PTTG1IP: variants seen among roughly 807,000 people sequenced by gnomAD.
The protein encoded by PTTG1IP is pituitary tumor-transforming gene 1 protein-interacting protein.
Under a neutral mutation model 24.4 loss-of-function variants are expected in PTTG1IP, and 16 were observed. The ratio of observed to expected loss-of-function variants is 0.66; its 90% CI spans 0.44 to 1.00. PTTG1IP has a LOEUF of 1.00. Ranked by LOEUF, PTTG1IP falls within the 50% of genes least tolerant of loss-of-function variation. The pLI is 0.00. For synonymous variants in PTTG1IP, 89 were observed against 96.8 expected (o/e 0.92, Z 0.47); for missense variants, 241 against 245.8 (o/e 0.98, Z 0.13).
chr21:44,860,281 A>T (rs1015601531), intron 3 of PTTG1IP, among the ~76,000 whole-genome samples: 6 of 152,182 alleles, frequency 3.9e-5, no homozygotes, highest in Non-Finnish European at 7.3e-5. Flanking sequence ...AGGCAGGAGA[A>T]TGGCGTGAAC....
chr21:44,866,058 T>C (rs530966282), intron 1 of PTTG1IP, among the ~76,000 whole-genome samples: 2 of 152,066 alleles, frequency 1.3e-5, no homozygotes, highest in African/African-American at 4.8e-5. Flanking sequence ...ACCCTGAGAC[T>C]CTGCCCACTA....
rs147555498 is a variant in PTTG1IP, at chr21:44,868,146, A to G, written c.116-2699T>C. On this transcript the variant is annotated intron_variant, in intron 1 of 5. Coordinates refer to ENST00000330938, the MANE Select transcript of PTTG1IP (RefSeq NM_004339.4). The stretch of plus-strand genomic sequence containing the variant: ...AAATTGACAACCAGTGAAAAGCCTT[A>G]ATTTCTTAAATCACTGCTGAGAGAC... Among the ~76,000 whole-genome samples the G allele has an allele frequency of 2.3e-3, 356 of 152,292 alleles. 1 individual carries two copies. The highest frequency in any genetic ancestry group is 8.1e-3 in the African/African-American group (338 of 41,560).
rs970075215 is a variant in PTTG1IP, at chr21:44,873,455, C to T, written c.115+47G>A. 4.5e-6 allele frequency: 6 copies of T among 1,322,380 alleles called. No homozygotes were observed. In the African/African-American group the frequency reaches 7.8e-5, roughly 17 times the overall value. 81.9% of individuals were successfully genotyped at this position (1,322,380 alleles called of 1,614,324 possible). On this transcript the variant is annotated intron_variant, in intron 1 of 5. Coordinates refer to ENST00000330938, the MANE Select transcript of PTTG1IP (RefSeq NM_004339.4). ...GACCCCGACCCCGACCTGGACCCAC[C>T]AGCCGCCCCGCCCCCTTCGCGGCCC...
At chr21:44,865,898 C>T (rs79280184) in intron 1 of PTTG1IP, 11,202 of 251,248 alleles carry the variant, frequency 0.045, 1,257 homozygotes, top group African/African-American at 0.23. Context: ...ACGCAGCACA[C>T]TTGTGTCTTT....
In PTTG1IP at chr21:44,873,630, C is replaced by T. The variant is rs2083609276; in HGVS notation, c.-14G>A. The T allele has an allele frequency of 5.0e-6, 7 of 1,412,694 alleles. No homozygotes were observed. The highest frequency in any genetic ancestry group is 6.1e-5 in the East Asian group (2 of 32,726). The allele number at this position is 1,412,694 out of a possible 1,614,324, so 87.5% of individuals were successfully genotyped here. A position where few individuals can be genotyped will look rare whatever the true frequency, so the allele number is the denominator to read the frequency against. ...TCCGGGCGCCATGGTCGGCCGGTCG[C>T]TCTATCAGTCAGTGGAGCGTTACAA... is the stretch of plus-strand genomic sequence containing the variant. On this transcript the variant is annotated 5_prime_UTR_variant, in exon 1 of 6. Coordinates refer to ENST00000330938, the MANE Select transcript of PTTG1IP (RefSeq NM_004339.4).
At chr21:44,859,853 G>A (rs1480012804) in intron 3 of PTTG1IP, among the ~76,000 whole-genome samples, 1 of 152,174 alleles carries the variant, frequency 6.6e-6, no homozygotes, top group Admixed American at 6.5e-5. Flanking sequence ...ATTTTGAAAT[G>A]GAAATCAATT....
intron 1 of PTTG1IP, among the ~76,000 whole-genome samples, chr21:44,869,550 C>T (rs577067218): frequency 1.3e-5 from 2 of 152,352 alleles, no homozygotes; most frequent in Non-Finnish European, 2.9e-5. Flanking sequence ...CCTCCCACCT[C>T]GGCCTCCAAA....
At chr21:44,862,761 A>G (rs1269232726) in intron 2 of PTTG1IP, among the ~76,000 whole-genome samples, 3 of 152,164 alleles carry the variant, frequency 2.0e-5, no homozygotes, top group African/African-American at 7.2e-5. Flanking sequence ...TGACCACCTT[A>G]GTGTCGTGTT....
At chr21:44,852,269 G>T (rs766196520) in intron 5 of PTTG1IP, among the ~76,000 whole-genome samples, 2 of 151,680 alleles carry the variant, frequency 1.3e-5, no homozygotes, top group African/African-American at 2.4e-5. Context: ...TGCAATCTCC[G>T]CCTCCTGGGT....
At position 44,865,407 on chromosome 21, in the gene PTTG1IP, C is replaced by T. The variant is rs759426433; in HGVS notation, c.156G>A (p.Leu52=). The T allele has an allele frequency of 1.2e-6, 2 of 1,614,106 alleles. No individual in the cohort carries two copies. The highest frequency in any genetic ancestry group is 1.3e-5 in the African/African-American group (1 of 74,926). The change falls in exon 2 of 6, where the codon CTG becomes CTA. Residue 52 remains leucine (L), a synonymous_variant. Coordinates refer to ENST00000330938, the MANE Select transcript of PTTG1IP (RefSeq NM_004339.4). ...ACGTGCTACTTACGGAGACGTTCTT[C>T]AGGCACTCTTCACAGGTTTTGTTTG... ...QNTNKTCEEC[L]KNVSCLWCNT...
intron 1 of PTTG1IP, among the ~76,000 whole-genome samples, chr21:44,870,581 G>C (rs1376092955): frequency 7.6e-6 from 1 of 131,866 alleles, no homozygotes; most frequent in Non-Finnish European, 1.6e-5. Flanking sequence ...CTGCTTCAAA[G>C]ACAAGCAGTG....
At chr21:44,869,927 T>C (rs1052410227) in intron 1 of PTTG1IP, among the ~76,000 whole-genome samples, 2 of 152,200 alleles carry the variant, frequency 1.3e-5, no homozygotes, top group African/African-American at 4.8e-5. Context: ...TTCTGATAAC[T>C]AGGTCTTGTG....
chr21:44,852,053 T>C (rs560508641), intron 5 of PTTG1IP, among the ~76,000 whole-genome samples: 2 of 152,296 alleles, frequency 1.3e-5, no homozygotes. Flanking sequence ...AACTCTCGAG[T>C]ACTCTGACAA....
At position 44,873,662 on chromosome 21, in the gene PTTG1IP, C is replaced by G; in HGVS notation, c.-46G>C. 2 of 1,324,348 alleles carry G rather than the reference C, an allele frequency of 1.5e-6. No individual in the cohort carries two copies. Among genetic ancestry groups the G allele is most frequent in the Non-Finnish European group, 1.9e-6 (2 of 1,033,086 alleles). 82.0% of individuals were successfully genotyped at this position (1,324,348 alleles called of 1,614,324 possible). On this transcript the variant is annotated 5_prime_UTR_variant, in exon 1 of 6. Coordinates refer to ENST00000330938, the MANE Select transcript of PTTG1IP (RefSeq NM_004339.4). ...AGTCAGTGGAGCGTTACAACTCCGACTCCAGCACAAGCGGTCTCCGCCCGG... is the reference window on the plus strand; with the variant it reads ...AGTCAGTGGAGCGTTACAACTCCGAGTCCAGCACAAGCGGTCTCCGCCCGG...
At chr21:44,856,049 C>T in intron 4 of PTTG1IP, 144 bp downstream of exon 4, 1 of 1,520,008 alleles carries the variant, frequency 6.6e-7, no homozygotes, top group Non-Finnish European at 8.9e-7. Flanking sequence ...TCTACCACGA[C>T]CTAGAAGATC....
intron 5 of PTTG1IP, among the ~76,000 whole-genome samples, chr21:44,854,766 A>C (rs2083436413): frequency 6.6e-6 from 1 of 152,226 alleles, no homozygotes; most frequent in Non-Finnish European, 1.5e-5. Context: ...CTGGGCGAGA[A>C]GGAGCAGGGC....
In PTTG1IP at chr21:44,873,604, C is replaced by T. The variant is rs1280553395; in HGVS notation, c.13G>A (p.Val5Met). 1 of 1,438,782 alleles carries T rather than the reference C, an allele frequency of 7.0e-7. No homozygotes were observed. The highest frequency in any genetic ancestry group is 9.1e-7 in the Non-Finnish European group (1 of 1,098,278). 89.1% of individuals were successfully genotyped at this position (1,438,782 alleles called of 1,614,324 possible). Residue 5 changes from valine (V) to methionine (M), a missense_variant, in exon 1 of 6, where the codon GTG becomes ATG. Coordinates refer to ENST00000330938, the MANE Select transcript of PTTG1IP (RefSeq NM_004339.4). Reference sequence around the variant, plus strand: ...CAGTACGGCGTCGGCCCGCGGGCCACTCCGGGCGCCATGGTCGGCCGGTCG... The same window carrying T: ...CAGTACGGCGTCGGCCCGCGGGCCATTCCGGGCGCCATGGTCGGCCGGTCG... MAPGVARGPTPYWRL... is the reference protein window; with the variant it reads MAPGMARGPTPYWRL...
rs1439206596 is a variant in PTTG1IP at position 44,850,431 on chromosome 21, C to G, written c.*1150G>C. 6.6e-6 allele frequency: 1 copy of G among 152,276 alleles called. No homozygotes were observed. The highest frequency in any genetic ancestry group is 2.4e-5 in the African/African-American group (1 of 41,446). The allele number at this position is 152,276 out of a possible 1,614,324, so 9.4% of individuals were successfully genotyped here. A position where few individuals can be genotyped will look rare whatever the true frequency, so the allele number is the denominator to read the frequency against. ...CAGGTCCAGCAGTGCCACTGGAGAG[C>G]TCCCAGAGAAGCCCACTCAGAAGGA... On this transcript the variant is annotated 3_prime_UTR_variant, in exon 6 of 6. Coordinates refer to ENST00000330938, the MANE Select transcript of PTTG1IP (RefSeq NM_004339.4).
At chr21:44,870,666 A>AT (rs548415344) in intron 1 of PTTG1IP, among the ~76,000 whole-genome samples, 85 of 152,292 alleles carry the variant, frequency 5.6e-4, no homozygotes, top group African/African-American at 2.0e-3. Flanking sequence ...AAAACCAGAG[A>AT]TAAAAACTGC....
Sources: gnomAD v4.1 joint callset for allele counts (sites outside exome capture counted in the v4.1 genomes callset) on GRCh38, gnomAD v4.1.1 for gene constraint, MANE v1.5 for transcripts, NCBI Gene and HGNC (gene_info 2026-07-23, HGNC 2026-07-21) for gene names.